The following TACR1 variants were observed in gnomAD, a reference collection of about 807,000 sequenced individuals.
TACR1 encodes the protein tachykinin receptor 1.
TACR1 carries 25 observed loss-of-function variants against 35.8 expected under a neutral mutation model. The observed-to-expected ratio is 0.70, with a 90% CI of 0.51 to 0.98. The LOEUF (loss-of-function observed/expected upper bound fraction) is 0.98, where lower values mean the gene tolerates loss of function less well. Among genes scored for constraint, TACR1 ranks in the 50% least tolerant of loss-of-function variants. The pLI is 0.00. For synonymous variants in TACR1, 195 were observed against 206.7 expected, an observed-to-expected ratio of 0.94 and a Z score of 0.48; for missense variants, 478 against 522.9, an observed-to-expected ratio of 0.91 and a Z score of 0.84.
chr2:75,189,480 G>T (rs1194488698), intron 1 of TACR1: 1 of 152,178 alleles, frequency 6.6e-6, no homozygotes, highest in Non-Finnish European at 1.5e-5. Context: ...AATATACATT[G>T]CTTTGTATGT....
chr2:75,110,082 G>A (rs1225292900), intron 2 of TACR1, among the ~76,000 whole-genome samples: 4 of 151,708 alleles, frequency 2.6e-5, no homozygotes, highest in Non-Finnish European at 5.9e-5. Context: ...ACGAAATGAA[G>A]CATTACAATA....
chr2:75,177,556 C>T (rs571454144), intron 1 of TACR1, among the ~76,000 whole-genome samples: 18 of 152,316 alleles, frequency 1.2e-4, no homozygotes, highest in African/African-American at 3.6e-4. Flanking sequence ...TGAAGTCCAA[C>T]AATTCTTAAT....
At chr2:75,197,176 A>C (rs759443722) in intron 1 of TACR1, among the ~76,000 whole-genome samples, 1 of 152,226 alleles carries the variant, frequency 6.6e-6, no homozygotes, top group Non-Finnish European at 1.5e-5. Context: ...TTTACATAAA[A>C]CATAGTAAGC....
chr2:75,085,631 G>T (rs1018620896), intron 2 of TACR1, among the ~76,000 whole-genome samples: 6 of 152,194 alleles, frequency 3.9e-5, no homozygotes, highest in African/African-American at 1.2e-4. Flanking sequence ...TGAGCTAGCT[G>T]TTGGGTTGGG....
At position 75,096,290 on chromosome 2, in the gene TACR1, A is replaced by G. The variant is rs372403577; in HGVS notation, c.584+24284T>C. Reference sequence around the variant, plus strand: ...AGAAGAGCTATACTGAAGTGGAAGCAGGGCCCCTCTGCTCTCCCTAAACAT... The same window carrying G: ...AGAAGAGCTATACTGAAGTGGAAGCGGGGCCCCTCTGCTCTCCCTAAACAT... On this transcript the variant is annotated intron_variant, in intron 2 of 4. Coordinates refer to ENST00000305249, the MANE Select transcript of TACR1 (RefSeq NM_001058.4). Among the ~76,000 whole-genome samples the G allele has an allele frequency of 4.5e-4, 68 of 152,312 alleles. 2 individuals carry two copies. The highest frequency in any genetic ancestry group is 4.0e-3 in the East Asian group (21 of 5,186).
At chr2:75,077,000 C>T (rs1047363072) in intron 2 of TACR1, among the ~76,000 whole-genome samples, 2 of 152,096 alleles carry the variant, frequency 1.3e-5, no homozygotes, top group African/African-American at 4.8e-5. Context: ...GACAGAGTTT[C>T]GCTCTTGTTG....
At chr2:75,081,760 A>T (rs116576679) in intron 2 of TACR1, among the ~76,000 whole-genome samples, 247 of 152,178 alleles carry the variant, frequency 1.6e-3, no homozygotes, top group African/African-American at 5.6e-3. Context: ...TAGAGATTTT[A>T]ATTCATCATT....
chr2:75,169,404 G>A (rs1031486187), intron 1 of TACR1, among the ~76,000 whole-genome samples: 6 of 152,082 alleles, frequency 3.9e-5, no homozygotes, highest in Non-Finnish European at 4.4e-5. Context: ...CTTTCATGCA[G>A]GAATAACAAT....
chr2:75,107,360 A>G (rs1673670298), intron 2 of TACR1, among the ~76,000 whole-genome samples: 1 of 152,072 alleles, frequency 6.6e-6, no homozygotes. Flanking sequence ...ACAAAACAAT[A>G]AGATGATTCA....
rs540061096 is a variant in TACR1, at chr2:75,170,545, C to T, written c.389+28001G>A. On this transcript the variant is annotated intron_variant, in intron 1 of 4. Transcript: ENST00000305249. ...CACTTTGGAACTGGGTAACAGGCAG[C>T]GGTTGGAACAGTTTGGAGGGCTCAG... 2.9e-4 allele frequency among the ~76,000 whole-genome samples: 44 copies of T among 152,198 alleles called. 1 individual carries two copies. The highest frequency in any genetic ancestry group is 1.9e-3 in the South Asian group (9 of 4,812).
chr2:75,086,383 TA>T (rs1399709899), intron 2 of TACR1, among the ~76,000 whole-genome samples: 51 of 152,368 alleles, frequency 3.3e-4, no homozygotes, highest in African/African-American at 1.1e-3. Flanking sequence ...ATCACTGAGA[TA>T]AGACAACTGT....
At chr2:75,164,424 GAATT>G (rs1231811739) in intron 1 of TACR1, among the ~76,000 whole-genome samples, 1 of 151,510 alleles carries the variant, frequency 6.6e-6, no homozygotes, top group Non-Finnish European at 1.5e-5. Flanking sequence ...TATCTTGTAA[GAATT>G]AAAGACATTA....
chr2:75,167,474 T>C (rs757582332), intron 1 of TACR1, among the ~76,000 whole-genome samples: 12 of 152,132 alleles, frequency 7.9e-5, no homozygotes, highest in Non-Finnish European at 1.8e-4. Flanking sequence ...ACAACTGTAA[T>C]AAAATGCCTA....
At chr2:75,092,267 C>T (rs1387109782) in intron 2 of TACR1, among the ~76,000 whole-genome samples, 1 of 152,058 alleles carries the variant, frequency 6.6e-6, no homozygotes, top group African/African-American at 2.4e-5. Context: ...CCCATCCCTC[C>T]CCCAATTTTA....
chr2:75,095,367 G>C (rs1673402086), intron 2 of TACR1, among the ~76,000 whole-genome samples: 2 of 152,140 alleles, frequency 1.3e-5, no homozygotes, highest in Admixed American at 6.5e-5. Context: ...ATTGTATACT[G>C]CTCTCTTTCC....
rs1296466317 is a variant in TACR1 at position 75,120,620 on chromosome 2, A to G, written c.538T>C (p.Cys180Arg). ...GGATGCTCTGGCCATTCGATCATGC[A>G]CACGACTCTGCTGGGCATGGTCTCT... is the stretch of plus-strand genomic sequence containing the variant. ...TTETMPSRVV[C>R]MIEWPEHPNK... Residue 180 changes from cysteine (C) to arginine (R), a missense_variant, in exon 2 of 5, where the codon TGC (cysteine) becomes CGC (arginine). Physicochemically the swap from Cys to Arg is radical, Grantham distance 180 (BLOSUM62 -3). Transcript: ENST00000305249. The G allele has an allele frequency of 6.2e-7, 1 of 1,612,826 alleles. No individual in the cohort carries two copies. The highest frequency in any genetic ancestry group is 8.5e-7 in the Non-Finnish European group (1 of 1,179,458).
chr2:75,152,489 C>A (rs1010498114), intron 1 of TACR1, among the ~76,000 whole-genome samples: 3 of 152,156 alleles, frequency 2.0e-5, no homozygotes, highest in African/African-American at 4.8e-5. Context: ...CACCTCCCCC[C>A]ATGATCCTGA....
intron 2 of TACR1, among the ~76,000 whole-genome samples, chr2:75,068,466 C>T (rs1376010427): frequency 6.6e-5 from 10 of 152,172 alleles, no homozygotes; most frequent in Admixed American, 6.5e-4. Flanking sequence ...AAGGGCACAG[C>T]TGGATGGAAA....
At chr2:75,108,372 G>A (rs371613734) in intron 2 of TACR1, among the ~76,000 whole-genome samples, 2 of 152,190 alleles carry the variant, frequency 1.3e-5, no homozygotes, top group Admixed American at 1.3e-4. Flanking sequence ...CATACATGGG[G>A]TACATTAAAA....
Sources: allele counts gnomAD v4.1 joint callset (sites outside exome capture counted in the v4.1 genomes callset), GRCh38; gene constraint gnomAD v4.1.1; transcripts MANE v1.5; gene names NCBI Gene and HGNC (gene_info 2026-07-23, HGNC 2026-07-21).